The following PCCA variants were observed in gnomAD, a reference collection of about 807,000 sequenced individuals.
The protein encoded by PCCA is propionyl-CoA carboxylase alpha chain, mitochondrial.
PCCA carries 74 observed loss-of-function variants against 101.3 expected under a neutral mutation model. The observed-to-expected ratio is 0.73, with a 90% CI of 0.61 to 0.89. The LOEUF is 0.89. PCCA is among the 40% of genes least tolerant of loss of function. PCCA has a pLI of 0.00. For missense variants in PCCA, 891 were observed against 907.0 expected, an observed-to-expected ratio of 0.98 and a Z score of 0.23; for synonymous variants, 294 against 313.6, an observed-to-expected ratio of 0.94 and a Z score of 0.66.
chr13:100,180,703 T>A (rs559103012), intron 6 of PCCA, among the ~76,000 whole-genome samples: 1 of 152,360 alleles, frequency 6.6e-6, no homozygotes, highest in East Asian at 1.9e-4. Flanking sequence ...ATACGCTTCT[T>A]TGACTTTCTG....
intron 7 of PCCA, among the ~76,000 whole-genome samples, chr13:100,235,110 G>A (rs1180923743): frequency 1.3e-5 from 2 of 151,936 alleles, no homozygotes. Context: ...TTAATATTTA[G>A]CAATAACTAA....
chr13:100,461,415 A>G (rs1287985118), intron 21 of PCCA, among the ~76,000 whole-genome samples: 1 of 152,236 alleles, frequency 6.6e-6, no homozygotes, highest in Non-Finnish European at 1.5e-5. Flanking sequence ...TTGAAATTTA[A>G]CTAATTAAAA....
intron 20 of PCCA, among the ~76,000 whole-genome samples, chr13:100,437,842 G>A (rs2080055126): frequency 6.6e-6 from 1 of 151,910 alleles, no homozygotes; most frequent in South Asian, 2.1e-4. Flanking sequence ...CTAATTTTTT[G>A]TATTTTTAGT....
chr13:100,273,760 C>T (rs1209883487), intron 12 of PCCA, among the ~76,000 whole-genome samples: 1 of 152,188 alleles, frequency 6.6e-6, no homozygotes, highest in Non-Finnish European at 1.5e-5. Context: ...TGCTGTACCA[C>T]TCAGCCAGGC....
At chr13:100,245,543 C>T (rs934854559) in intron 8 of PCCA, among the ~76,000 whole-genome samples, 1 of 152,172 alleles carries the variant, frequency 6.6e-6, no homozygotes, top group African/African-American at 2.4e-5. Flanking sequence ...TTGTTCTATG[C>T]TATCCTTATT....
At chr13:100,435,446 C>A (rs2152907076) in intron 20 of PCCA, among the ~76,000 whole-genome samples, 2 of 152,300 alleles carry the variant, frequency 1.3e-5, no homozygotes, top group Middle Eastern at 6.8e-3. Flanking sequence ...ACTTCTTTAT[C>A]TGATTAGATG....
intron 18 of PCCA, among the ~76,000 whole-genome samples, chr13:100,351,493 C>G (rs1319108481): frequency 6.6e-6 from 1 of 151,820 alleles, no homozygotes; most frequent in African/African-American, 2.4e-5. Flanking sequence ...ATGCTTTTTT[C>G]TCTGTTTGTA....
chr13:100,167,494 G>GAGCTGTGGAGTGTTACTGCAGTC (rs1400281044), intron 6 of PCCA, among the ~76,000 whole-genome samples: 1 of 152,096 alleles, frequency 6.6e-6, no homozygotes, highest in East Asian at 1.9e-4. Context: ...AGGCTGCAGT[G>GAGCTGTGGAGTGTTACTGCAGTC]AGCTGTGGAG....
chr13:100,107,602 T>G (rs1486632815), intron 2 of PCCA, among the ~76,000 whole-genome samples: 1 of 152,216 alleles, frequency 6.6e-6, no homozygotes, highest in African/African-American at 2.4e-5. Flanking sequence ...GATTACATTA[T>G]ATCATGATAT....
intron 21 of PCCA, among the ~76,000 whole-genome samples, chr13:100,484,447 C>A (rs2084204633): frequency 6.6e-6 from 1 of 152,216 alleles, no homozygotes; most frequent in Admixed American, 6.5e-5. Flanking sequence ...TAGAGAAACT[C>A]ATCAGACTGC....
chr13:100,516,123 G>A (rs1162338203), intron 22 of PCCA, among the ~76,000 whole-genome samples: 1 of 152,138 alleles, frequency 6.6e-6, no homozygotes, highest in Non-Finnish European at 1.5e-5. Context: ...TTATTTCCTC[G>A]AGATAACTTA....
intron 14 of PCCA, among the ~76,000 whole-genome samples, chr13:100,303,510 C>T (rs1376000119): frequency 6.6e-6 from 1 of 151,924 alleles, no homozygotes; most frequent in African/African-American, 2.4e-5. Context: ...GACCACTGTC[C>T]ATTTTATTCC....
At chr13:100,122,334 G>A (rs1373791174) in intron 4 of PCCA, among the ~76,000 whole-genome samples, 1 of 152,038 alleles carries the variant, frequency 6.6e-6, no homozygotes, top group Non-Finnish European at 1.5e-5. Flanking sequence ...CTTGGTTTTG[G>A]TGTTAGTGTG....
intron 11 of PCCA, 152 bp downstream of exon 11, chr13:100,268,935 C>T (rs2063123941): frequency 1.4e-5 from 10 of 701,476 alleles, no homozygotes; most frequent in Non-Finnish European, 2.3e-5. Context: ...CTGCAGCCTC[C>T]ACCTCCCAGG....
At position 100,224,128 on chromosome 13, in the gene PCCA, C is replaced by T. The variant is rs1402678364; in HGVS notation, c.601-11714C>T. 2.0e-5 allele frequency among the ~76,000 whole-genome samples: 3 copies of T among 152,300 alleles called. No individual in the cohort carries two copies. In the East Asian group the frequency reaches 5.8e-4, roughly 29 times the overall value. ...GGCGCACATCAGGGAGGCTCTGGCC[C>T]CACAGGAGCCCAGGGAGGGGGTGGG... On this transcript the variant is annotated intron_variant, in intron 7 of 23. Coordinates refer to ENST00000376285, the MANE Select transcript of PCCA (RefSeq NM_000282.4).
intron 4 of PCCA, among the ~76,000 whole-genome samples, chr13:100,115,976 T>C (rs2048759587): frequency 6.6e-6 from 1 of 152,142 alleles, no homozygotes; most frequent in Non-Finnish European, 1.5e-5. Flanking sequence ...AGCAGGATAA[T>C]GATGGTGGGA....
At chr13:100,524,983 G>GGATAGATAGATAGATA (rs201979758) in intron 22 of PCCA, among the ~76,000 whole-genome samples, 144 of 137,272 alleles carry the variant, frequency 1.0e-3, no homozygotes, top group Non-Finnish European at 1.5e-3. Context: ...TCTCTAAGAT[G>GGATAGATAGATAGATA]GATAGATAGA....
chr13:100,337,355 C>G (rs1025331967), intron 17 of PCCA, among the ~76,000 whole-genome samples: 1 of 152,192 alleles, frequency 6.6e-6, no homozygotes, highest in Non-Finnish European at 1.5e-5. Context: ...CCAAGCTGGT[C>G]TACCACCCCC....
intron 1 of PCCA, among the ~76,000 whole-genome samples, chr13:100,099,152 GTAT>G (rs1210642405): frequency 6.6e-6 from 1 of 152,036 alleles, no homozygotes; most frequent in African/African-American, 2.4e-5. Flanking sequence ...GAGTTATTTA[GTAT>G]TATTCATCTG....
Sources: gnomAD v4.1 joint callset for allele counts (sites outside exome capture counted in the v4.1 genomes callset) on GRCh38, gnomAD v4.1.1 for gene constraint, MANE v1.5 for transcripts, NCBI Gene and HGNC (gene_info 2026-07-23, HGNC 2026-07-21) for gene names.